PPFIA2: variants seen among roughly 807,000 people sequenced by gnomAD.
PPFIA2 encodes PPFI scaffold protein A2.
Under a neutral mutation model 175.5 loss-of-function variants are expected in PPFIA2, and 46 were observed. That is an observed-to-expected ratio of 0.26 (90% confidence interval 0.21 to 0.34). PPFIA2 has a LOEUF of 0.34. Ranked by LOEUF, PPFIA2 falls within the 10% of genes least tolerant of loss-of-function variation. The probability of loss-of-function intolerance (pLI) is 1.00; values close to 1 mark genes in which losing one functional copy is unlikely to be tolerated. For synonymous variants in PPFIA2, 568 were observed against 511.4 expected (o/e 1.11, Z -1.49); for missense variants, 1,179 against 1,506.1 (o/e 0.78, Z 3.60).
chr12:81,466,753 G>C (rs1369720171), intron 4 of PPFIA2, among the ~76,000 whole-genome samples: 1 of 151,810 alleles, frequency 6.6e-6, no homozygotes, highest in Non-Finnish European at 1.5e-5. Context: ...TGGAGGCAAG[G>C]TAGGGTTTTC....
chr12:81,365,426 G>A (rs2032870657), intron 14 of PPFIA2, among the ~76,000 whole-genome samples: 1 of 151,754 alleles, frequency 6.6e-6, no homozygotes, highest in South Asian at 2.1e-4. Flanking sequence ...TAGTACTCTT[G>A]GTTGCTTAGG....
intron 4 of PPFIA2, among the ~76,000 whole-genome samples, chr12:81,585,258 G>T (rs1028915685): frequency 6.7e-6 from 1 of 149,842 alleles, no homozygotes; most frequent in Non-Finnish European, 1.5e-5. Context: ...ACTACTGCAG[G>T]CATAGTAAAC....
At chr12:81,379,547 G>A (rs1483920747) in intron 9 of PPFIA2, among the ~76,000 whole-genome samples, 1 of 152,040 alleles carries the variant, frequency 6.6e-6, no homozygotes, top group African/African-American at 2.4e-5. Context: ...TTTAGCTACT[G>A]GCACAGCTAT....
chr12:81,663,106 G>A lies in PPFIA2; in HGVS notation c.303+13685C>T, dbSNP rs552922254. Among the ~76,000 whole-genome samples, 18 of 151,900 alleles carry A rather than the reference G, an allele frequency of 1.2e-4. 1 individual carries two copies. Among genetic ancestry groups the A allele is most frequent in the Admixed American group, 6.6e-4 (10 of 15,258 alleles). ...CCCACAGCCAATATCATACTGGAAGGCATTCCCTTTGAAAACTGGCACAAG... is the reference window on the plus strand; with the variant it reads ...CCCACAGCCAATATCATACTGGAAGACATTCCCTTTGAAAACTGGCACAAG... On this transcript the variant is annotated intron_variant, in intron 4 of 32. Transcript: ENST00000549396.
chr12:81,493,770 A>G (rs933757925), intron 4 of PPFIA2, among the ~76,000 whole-genome samples: 1 of 134,630 alleles, frequency 7.4e-6, no homozygotes, highest in East Asian at 2.2e-4. Context: ...ATATATATAT[A>G]TATATATATA....
chr12:81,335,431 TG>T (rs2056946941), intron 21 of PPFIA2, among the ~76,000 whole-genome samples: 2 of 152,128 alleles, frequency 1.3e-5, no homozygotes, highest in Admixed American at 1.3e-4. Context: ...TTTTTCATCC[TG>T]GGATTTGTGA....
intron 4 of PPFIA2, among the ~76,000 whole-genome samples, chr12:81,513,623 A>G (rs2062055108): frequency 6.6e-6 from 1 of 151,996 alleles, no homozygotes; most frequent in Admixed American, 6.6e-5. Context: ...TAATGTTGAC[A>G]TCTTATGGTA....
intron 4 of PPFIA2, among the ~76,000 whole-genome samples, chr12:81,462,577 T>A (rs1226658014): frequency 3.4e-4 from 11 of 32,358 alleles, no homozygotes; most frequent in Admixed American, 2.2e-3. Flanking sequence ...TGTGTATATA[T>A]ATATATACAT....
chr12:81,271,884 C>T (rs1171118670), intron 28 of PPFIA2, among the ~76,000 whole-genome samples: 1 of 151,950 alleles, frequency 6.6e-6, no homozygotes, highest in Non-Finnish European at 1.5e-5. Context: ...TTTCCATCTG[C>T]CTGAATCACT....
chr12:81,502,403 T>C (rs1431708487), intron 4 of PPFIA2, among the ~76,000 whole-genome samples: 5 of 152,196 alleles, frequency 3.3e-5, no homozygotes, highest in Non-Finnish European at 7.3e-5. Flanking sequence ...TGGGAACTTT[T>C]GAAAATATTA....
At chr12:81,550,510 A>G (rs1396482240) in intron 4 of PPFIA2, among the ~76,000 whole-genome samples, 1 of 151,994 alleles carries the variant, frequency 6.6e-6, no homozygotes, top group African/African-American at 2.4e-5. Context: ...GGTCTAAGTA[A>G]GACAGGCTGT....
At chr12:81,471,545 T>G (rs1024453817) in intron 4 of PPFIA2, among the ~76,000 whole-genome samples, 1 of 151,950 alleles carries the variant, frequency 6.6e-6, no homozygotes, top group Non-Finnish European at 1.5e-5. Context: ...CATTCATCTA[T>G]TGATGGACAT....
chr12:81,549,149 G>A (rs140253866), intron 4 of PPFIA2, among the ~76,000 whole-genome samples: 53 of 152,054 alleles, frequency 3.5e-4, no homozygotes, highest in African/African-American at 1.1e-3. Flanking sequence ...TGCCTTTCTG[G>A]GAAGAGCGTT....
At chr12:81,598,177 G>A in intron 4 of PPFIA2, 1 of 1,395,938 alleles carries the variant, frequency 7.2e-7, no homozygotes, top group Non-Finnish European at 9.3e-7. Flanking sequence ...CACAGTGATA[G>A]CATTTTGAAT....
chr12:81,741,891 G>A (rs1449545398), intron 3 of PPFIA2, among the ~76,000 whole-genome samples: 3 of 152,064 alleles, frequency 2.0e-5, no homozygotes, highest in Admixed American at 6.6e-5. Flanking sequence ...TGAGGAAGAG[G>A]GATGTAATAA....
At chr12:81,425,074 C>A (rs760312565) in intron 7 of PPFIA2, 2 of 152,124 alleles carry the variant, frequency 1.3e-5, no homozygotes, top group Non-Finnish European at 2.9e-5. Context: ...AGCATTAGAA[C>A]CATATTTTCT....
intron 4 of PPFIA2, among the ~76,000 whole-genome samples, chr12:81,477,754 G>A (rs1288209376): frequency 6.6e-6 from 1 of 152,088 alleles, no homozygotes; most frequent in Admixed American, 6.6e-5. Context: ...GGGTGAAGCC[G>A]ACTTGATCGT....
intron 3 of PPFIA2, among the ~76,000 whole-genome samples, chr12:81,729,315 T>G (rs1228186707): frequency 6.6e-6 from 1 of 151,536 alleles, no homozygotes; most frequent in East Asian, 1.9e-4. Flanking sequence ...TCATAAATGA[T>G]AAAACATTCA....
At chr12:81,662,465 T>C (rs995828272) in intron 4 of PPFIA2, among the ~76,000 whole-genome samples, 6 of 152,118 alleles carry the variant, frequency 3.9e-5, no homozygotes, top group African/African-American at 1.4e-4. Context: ...AATGGATAAA[T>C]TCCTCGACAC....
Sources: allele counts gnomAD v4.1 joint callset (sites outside exome capture counted in the v4.1 genomes callset), GRCh38; gene constraint gnomAD v4.1.1; transcripts MANE v1.5; gene names NCBI Gene and HGNC (gene_info 2026-07-23, HGNC 2026-07-21).